The following KRABD5 variants were observed in gnomAD, a reference collection of about 807,000 sequenced individuals.
The protein encoded by KRABD5 is KRAB domain containing 5.
the KRABD5 span, among the ~76,000 whole-genome samples, chr16:31,716,525 C>T: frequency 6.6e-6 from 1 of 152,098 alleles, no homozygotes; most frequent in African/African-American, 2.4e-5. Context: ...GAGGCATGTG[C>T]CCCCCACACC....
chr16:31,716,210 A>G, the KRABD5 span, among the ~76,000 whole-genome samples: 8 of 152,052 alleles, frequency 5.3e-5, no homozygotes, highest in South Asian at 2.1e-4. Flanking sequence ...CCCTCCATCA[A>G]CCTAGGCTTG....
At chr16:31,752,594 G>C in the KRABD5 span, among the ~76,000 whole-genome samples, 987 of 152,234 alleles carry the variant, frequency 6.5e-3, 10 homozygotes, top group African/African-American at 0.023. Context: ...AAAATGCCAG[G>C]TTCAGTTGCT....
At chr16:31,748,310 G>A in the KRABD5 span, among the ~76,000 whole-genome samples, 4 of 152,138 alleles carry the variant, frequency 2.6e-5, no homozygotes, top group East Asian at 5.8e-4. Flanking sequence ...TAGATATGCG[G>A]CATTATTTCT....
chr16:31,742,679 T>A, the KRABD5 span, among the ~76,000 whole-genome samples: 1 of 152,228 alleles, frequency 6.6e-6, no homozygotes, highest in Non-Finnish European at 1.5e-5. Flanking sequence ...ATATACCCAG[T>A]AATGGGATTG....
the KRABD5 span, among the ~76,000 whole-genome samples, chr16:31,734,456 T>C: frequency 6.6e-6 from 1 of 152,122 alleles, no homozygotes; most frequent in African/African-American, 2.4e-5. Flanking sequence ...CTCACTACAT[T>C]GTCCAGGCTG....
the KRABD5 span, chr16:31,754,597 T>C: frequency 4.1e-6 from 2 of 484,320 alleles, no homozygotes; most frequent in South Asian, 3.1e-5. Flanking sequence ...ACCATGTCCA[T>C]CAGAGTATCT....
chr16:31,754,976 T>G, the KRABD5 span: 48 of 458,986 alleles, frequency 1.0e-4, 1 homozygote, highest in Admixed American at 9.9e-5. Context: ...ATGTAAAGCG[T>G]GTAGCAAATG....
At chr16:31,733,116 A>T in the KRABD5 span, among the ~76,000 whole-genome samples, 1 of 152,092 alleles carries the variant, frequency 6.6e-6, no homozygotes, top group Non-Finnish European at 1.5e-5. Flanking sequence ...AGACAATATG[A>T]TGTTTAGATA....
chr16:31,728,721 G>A, the KRABD5 span, among the ~76,000 whole-genome samples: 2 of 152,088 alleles, frequency 1.3e-5, no homozygotes, highest in African/African-American at 2.4e-5. Context: ...GGTTTAACAT[G>A]TGATCTGTCC....
chr16:31,753,797 A>G, the KRABD5 span: 12 of 1,528,990 alleles, frequency 7.8e-6, no homozygotes, highest in Non-Finnish European at 9.7e-6. Context: ...AAGGCCTCTT[A>G]AGAAAGAAGC....
the KRABD5 span, among the ~76,000 whole-genome samples, chr16:31,718,966 C>G: frequency 8.9e-4 from 136 of 152,322 alleles, no homozygotes; most frequent in African/African-American, 3.2e-3. Flanking sequence ...GAAGGAATCT[C>G]TTTATTTGGT....
chr16:31,750,713 A>AC, the KRABD5 span, among the ~76,000 whole-genome samples: 76 of 149,558 alleles, frequency 5.1e-4, no homozygotes, highest in African/African-American at 1.8e-3. Flanking sequence ...TAGTTTGTTG[A>AC]GGGGTTTTTT....
At chr16:31,738,996 T>G in the KRABD5 span, among the ~76,000 whole-genome samples, 1 of 152,214 alleles carries the variant, frequency 6.6e-6, no homozygotes, top group Non-Finnish European at 1.5e-5. Context: ...TTATATCACT[T>G]TATACTGTGA....
chr16:31,747,552 G>A, the KRABD5 span, among the ~76,000 whole-genome samples: 6 of 152,170 alleles, frequency 3.9e-5, no homozygotes, highest in South Asian at 2.1e-4. Context: ...CTAGATCCCT[G>A]AGGAATCGCC....
the KRABD5 span, among the ~76,000 whole-genome samples, chr16:31,728,360 A>G: frequency 2.0e-5 from 3 of 151,912 alleles, no homozygotes; most frequent in Admixed American, 6.6e-5. Context: ...TTCATGTTCA[A>G]GTTTCTTGAG....
At chr16:31,748,597 A>G in the KRABD5 span, among the ~76,000 whole-genome samples, 2 of 152,264 alleles carry the variant, frequency 1.3e-5, no homozygotes, top group African/African-American at 4.8e-5. Context: ...ACTTCTGTCA[A>G]TTCTTCCGTC....
the KRABD5 span, among the ~76,000 whole-genome samples, chr16:31,753,480 T>G: frequency 8.5e-5 from 13 of 152,340 alleles, no homozygotes; most frequent in Non-Finnish European, 1.6e-4. Context: ...TGCGAAAAAT[T>G]TTTGTGTAAC....
At chr16:31,757,028 G>A in the KRABD5 span, 2 of 152,262 alleles carry the variant, frequency 1.3e-5, no homozygotes, top group South Asian at 4.1e-4. Flanking sequence ...TAAATCTAAT[G>A]TCTTCTGGGT....
the KRABD5 span, among the ~76,000 whole-genome samples, chr16:31,727,449 C>G: frequency 6.6e-6 from 1 of 152,176 alleles, no homozygotes; most frequent in Admixed American, 6.5e-5. Context: ...AGCGAGGCTA[C>G]CCTGTAGGCA....
Sources: gnomAD v4.1 joint callset for allele counts (sites outside exome capture counted in the v4.1 genomes callset) on GRCh38, gnomAD v4.1.1 for gene constraint, MANE v1.5 for transcripts, NCBI Gene and HGNC (gene_info 2026-07-23, HGNC 2026-07-21) for gene names.